LACTB2: variants seen among roughly 807,000 people sequenced by gnomAD.
LACTB2 encodes lactamase beta 2.
A neutral mutation model predicts 34.8 loss-of-function variants in LACTB2; 32 were observed. The observed-to-expected ratio is 0.92, with a 90% CI of 0.69 to 1.24. The LOEUF is 1.24. Among genes scored for constraint, LACTB2 ranks in the 50% most tolerant of loss-of-function variants. The probability of loss-of-function intolerance (pLI) is 0.00; values close to 1 mark genes in which losing one functional copy is unlikely to be tolerated. For synonymous variants in LACTB2, 120 were observed against 117.5 expected, an observed-to-expected ratio of 1.02 and a Z score of -0.14; for missense variants, 320 against 345.0, an observed-to-expected ratio of 0.93 and a Z score of 0.57.
intron 2 of LACTB2, among the ~76,000 whole-genome samples, chr8:70,658,794 A>C (rs1425918145): frequency 6.6e-6 from 1 of 152,184 alleles, no homozygotes; most frequent in Non-Finnish European, 1.5e-5. Flanking sequence ...TGGGAGGCCA[A>C]GGTGGGAGGA....
rs183262683 is a variant in LACTB2, at chr8:70,655,488, C to T, written c.413+2268G>A. Among the ~76,000 whole-genome samples, 155 of 152,274 alleles carry T rather than the reference C, an allele frequency of 1.0e-3. 1 individual carries two copies. The Middle Eastern group carries it at 0.031, about 30-fold the overall frequency. On this transcript the variant is annotated intron_variant, in intron 3 of 6. Coordinates refer to ENST00000276590, the MANE Select transcript of LACTB2 (RefSeq NM_016027.3). ...CCACCTGCCTTGGCCTCCCAAAGTGCTGGGATTACAGGTGTGAGCCACCAT... is the reference window on the plus strand; with the variant it reads ...CCACCTGCCTTGGCCTCCCAAAGTGTTGGGATTACAGGTGTGAGCCACCAT...
At chr8:70,652,920 T>G (rs1004619882) in intron 3 of LACTB2, among the ~76,000 whole-genome samples, 2 of 151,758 alleles carry the variant, frequency 1.3e-5, no homozygotes, top group African/African-American at 4.8e-5. Flanking sequence ...ACCAGTACTG[T>G]GATTCCCAAA....
At chr8:70,668,767 T>G (rs903194874) in intron 1 of LACTB2, among the ~76,000 whole-genome samples, 1,519 of 151,194 alleles carry the variant, frequency 0.01, 61 homozygotes, top group African/African-American at 0.035. Flanking sequence ...TTTTTTTTTT[T>G]TTTTTTTTCC....
chr8:70,647,874 C>T (rs1280338146), intron 3 of LACTB2, among the ~76,000 whole-genome samples: 1 of 152,078 alleles, frequency 6.6e-6, no homozygotes, highest in Non-Finnish European at 1.5e-5. Flanking sequence ...GCCCCAATCT[C>T]ACTAAGGGAA....
chr8:70,645,226 C>T (rs1307196887), intron 3 of LACTB2, among the ~76,000 whole-genome samples: 1 of 152,166 alleles, frequency 6.6e-6, no homozygotes, highest in African/African-American at 2.4e-5. Flanking sequence ...AGCAATTCTC[C>T]AACTTCAGCC....
intron 4 of LACTB2, among the ~76,000 whole-genome samples, chr8:70,643,208 C>CATTTTTTTTTTTTTTTTT (rs1818221357): frequency 2.6e-5 from 2 of 76,194 alleles, no homozygotes; most frequent in Admixed American, 1.8e-4. Context: ...GTGTATTTTC[C>CATTTTTTTTTTTTTTTTT]TTTTTTTTTT....
intron 3 of LACTB2, among the ~76,000 whole-genome samples, chr8:70,656,490 G>C (rs1029187356): frequency 6.6e-6 from 1 of 152,154 alleles, no homozygotes; most frequent in Admixed American, 6.5e-5. Context: ...TCAGTTAGCT[G>C]TAAGTATTTA....
rs1343769540 is a variant in LACTB2, at chr8:70,644,253, A to G, written c.414-10T>C. The stretch of plus-strand genomic sequence containing the variant: ...AGGGGTATATAGAACTCTGGTTGAA[A>G]GAAGAAATAAGGAATAATAACAATT... On this transcript the variant is annotated splice_polypyrimidine_tract_variant and intron_variant, in intron 3 of 6. Transcript: ENST00000276590. 3 of 1,533,488 alleles carry G rather than the reference A, an allele frequency of 2.0e-6. No homozygotes were observed. Among genetic ancestry groups the G allele is most frequent in the Non-Finnish European group, 1.8e-6 (2 of 1,140,360 alleles). 95.0% of individuals were successfully genotyped at this position (1,533,488 alleles called of 1,614,324 possible). A position where few individuals can be genotyped will look rare whatever the true frequency, so the allele number is the denominator to read the frequency against.
In LACTB2 at chr8:70,655,436, G is replaced by C. The variant is rs191082519; in HGVS notation, c.413+2320C>G. Among the ~76,000 whole-genome samples, 330 of 152,120 alleles carry C rather than the reference G, an allele frequency of 2.2e-3. 1 individual carries two copies. The highest frequency in any genetic ancestry group is 4.2e-3 in the South Asian group (20 of 4,814). On this transcript the variant is annotated intron_variant, in intron 3 of 6. Coordinates refer to ENST00000276590, the MANE Select transcript of LACTB2 (RefSeq NM_016027.3). Reference sequence around the variant, plus strand: ...AGGGTTTCATCATGTTGGCCAGGCTGGTCTCAAACTCCTGACCTCAGGTGA... The same window carrying C: ...AGGGTTTCATCATGTTGGCCAGGCTCGTCTCAAACTCCTGACCTCAGGTGA...
chr8:70,641,381 G>A (rs1818197683), intron 4 of LACTB2, among the ~76,000 whole-genome samples: 1 of 152,178 alleles, frequency 6.6e-6, no homozygotes, highest in Non-Finnish European at 1.5e-5. Context: ...TGCTCACTAT[G>A]TGCTAGGCAC....
Position 70,660,243 on chromosome 8 carries a change from C to T in LACTB2, c.286+1491G>A, listed in dbSNP as rs1032764188. On this transcript the variant is annotated intron_variant, in intron 2 of 6. Coordinates refer to ENST00000276590, the MANE Select transcript of LACTB2 (RefSeq NM_016027.3). ...GGATGGGATTATAAGCACACACCAC[C>T]GTCCCTGGCATAAAATAGTTTTTTA... is the stretch of plus-strand genomic sequence containing the variant. 33 of 256,650 alleles carry T rather than the reference C, an allele frequency of 1.3e-4. 1 individual carries two copies. Among genetic ancestry groups the T allele is most frequent in the South Asian group, 8.7e-4 (20 of 22,948 alleles). The allele number at this position is 256,650 out of a possible 1,614,324, so 15.9% of individuals were successfully genotyped here.
At chr8:70,645,163 T>C (rs921769843) in intron 3 of LACTB2, among the ~76,000 whole-genome samples, 1 of 152,212 alleles carries the variant, frequency 6.6e-6, no homozygotes, top group African/African-American at 2.4e-5. Flanking sequence ...TCACCCAGGC[T>C]GAAGCGTGGT....
intron 1 of LACTB2, among the ~76,000 whole-genome samples, chr8:70,666,448 T>C (rs1586791871): frequency 6.6e-6 from 1 of 152,132 alleles, no homozygotes; most frequent in Middle Eastern, 3.2e-3. Flanking sequence ...GAGGAAAGCA[T>C]GCGTGAAGGC....
rs371770130 is a variant in LACTB2, at chr8:70,639,265, T to C, written c.742-636A>G. Among the ~76,000 whole-genome samples, 19 of 152,098 alleles carry C rather than the reference T, an allele frequency of 1.2e-4. No homozygotes were observed. The East Asian group carries it at 3.3e-3, about 27-fold the overall frequency. The stretch of plus-strand genomic sequence containing the variant: ...ACCTCCACCTCCCAGGTTCAAACTA[T>C]TCTCGTGCCTCAGCCTCCCGAGTAG... On this transcript the variant is annotated intron_variant, in intron 5 of 6. Coordinates refer to ENST00000276590, the MANE Select transcript of LACTB2 (RefSeq NM_016027.3).
chr8:70,651,150 C>T (rs1377308822), intron 3 of LACTB2, among the ~76,000 whole-genome samples: 2 of 151,892 alleles, frequency 1.3e-5, no homozygotes, highest in East Asian at 3.9e-4. Flanking sequence ...TTTAAAAAGT[C>T]TAATAATATA....
At chr8:70,668,933 G>T in intron 1 of LACTB2, 66 bp downstream of exon 1, 4 of 1,543,880 alleles carry the variant, frequency 2.6e-6, no homozygotes, top group Non-Finnish European at 3.5e-6. Context: ...GCGCAGCCGC[G>T]ATCAGTCAAA....
intron 3 of LACTB2, among the ~76,000 whole-genome samples, chr8:70,645,196 G>A (rs1818247848): frequency 6.6e-6 from 1 of 152,116 alleles, no homozygotes; most frequent in African/African-American, 2.4e-5. Flanking sequence ...GCTCACTGCA[G>A]CCTCAACCTC....
intron 1 of LACTB2, chr8:70,663,254 G>A (rs1818501193): frequency 6.6e-6 from 1 of 152,150 alleles, no homozygotes; most frequent in African/African-American, 2.4e-5. Context: ...ACCATAGAAA[G>A]CATTTTGCAA....
intron 1 of LACTB2, 43 bp downstream of exon 1, chr8:70,668,956 G>A: frequency 6.4e-7 from 1 of 1,554,220 alleles, no homozygotes; most frequent in African/African-American, 1.4e-5. Context: ...CCGGGCTCCG[G>A]GGCCGGCTGC....
Sources: gnomAD v4.1 joint callset for allele counts (sites outside exome capture counted in the v4.1 genomes callset) on GRCh38, gnomAD v4.1.1 for gene constraint, MANE v1.5 for transcripts, NCBI Gene and HGNC (gene_info 2026-07-23, HGNC 2026-07-21) for gene names.